BIN3: variants seen among roughly 807,000 people sequenced by gnomAD.
The protein encoded by BIN3 is bridging integrator 3.
A neutral mutation model predicts 38.2 loss-of-function variants in BIN3; 41 were observed. The observed-to-expected ratio is 1.07, with a 90% confidence interval of 0.84 to 1.39. The LOEUF (loss-of-function observed/expected upper bound fraction) is 1.39, where lower values mean the gene tolerates loss of function less well. BIN3 is among the 40% of genes most tolerant of loss of function. The pLI, the probability that BIN3 is intolerant of heterozygous loss-of-function variation, is 0.00. For synonymous variants in BIN3, 145 were observed against 122.6 expected (o/e 1.18, Z -1.21); for missense variants, 361 against 324.3 (o/e 1.11, Z -0.87).
At chr8:22,626,969 T>A (rs1361444863) in intron 6 of BIN3, among the ~76,000 whole-genome samples, 1 of 152,098 alleles carries the variant, frequency 6.6e-6, no homozygotes, top group Admixed American at 6.5e-5. Flanking sequence ...CCTCGGGGGA[T>A]GGCGTGGTGG....
At chr8:22,663,246 G>C (rs1020516553) in intron 1 of BIN3, among the ~76,000 whole-genome samples, 3 of 151,548 alleles carry the variant, frequency 2.0e-5, no homozygotes, top group Non-Finnish European at 4.4e-5. Flanking sequence ...TGATATCAAA[G>C]GTATTTCTAA....
At chr8:22,664,816 T>G (rs768486341) in intron 1 of BIN3, among the ~76,000 whole-genome samples, 1 of 152,308 alleles carries the variant, frequency 6.6e-6, no homozygotes, top group Middle Eastern at 3.4e-3. Flanking sequence ...GGGAAAGCCA[T>G]CTGAAAAGTT....
intron 8 of BIN3, among the ~76,000 whole-genome samples, 163 bp from the exon 9 acceptor site, chr8:22,621,731 G>T (rs968902615): frequency 6.6e-6 from 1 of 152,200 alleles, no homozygotes; most frequent in African/African-American, 2.4e-5. Flanking sequence ...CTCTAGCTGA[G>T]ACTGAACCAA....
intron 2 of BIN3, among the ~76,000 whole-genome samples, chr8:22,640,008 T>C (rs957255543): frequency 6.6e-6 from 1 of 151,526 alleles, no homozygotes; most frequent in African/African-American, 2.4e-5. Context: ...ATTACAGGCA[T>C]GTGCCACCGC....
At chr8:22,636,062 T>TG (rs1419080257) in intron 4 of BIN3, among the ~76,000 whole-genome samples, 4 of 152,314 alleles carry the variant, frequency 2.6e-5, no homozygotes, top group African/African-American at 9.6e-5. Flanking sequence ...TAGAATTATC[T>TG]GGGGTATTTC....
At chr8:22,654,039 C>G (rs1802983535) in intron 1 of BIN3, among the ~76,000 whole-genome samples, 1 of 152,306 alleles carries the variant, frequency 6.6e-6, no homozygotes, top group Middle Eastern at 3.4e-3. Context: ...TTGGCTTCAC[C>G]TAACTTCTAG....
rs770689494 is a variant in BIN3 at position 22,636,602 on chromosome 8, C to T, written c.99-16G>A. On this transcript the variant is annotated splice_polypyrimidine_tract_variant and intron_variant, in intron 3 of 8. Coordinates refer to ENST00000276416, the MANE Select transcript of BIN3 (RefSeq NM_018688.6). ...CTCTTCCAGCCTGCAAGGCAGGGGA[C>T]GGGCTGCTTGGGGTCCCCTTCCTTC... is the stretch of plus-strand genomic sequence containing the variant. The T allele has an allele frequency of 5.5e-5, 86 of 1,551,264 alleles. No individual in the cohort carries two copies. Among genetic ancestry groups the T allele is most frequent in the African/African-American group, 3.3e-4 (24 of 73,194 alleles).
chr8:22,636,542 CTCT>C lies in BIN3; in HGVS notation c.140_142del (p.Lys47del). 6.4e-7 allele frequency: 1 copy of C among 1,552,854 alleles called. No individual in the cohort carries two copies. Among genetic ancestry groups the C allele is most frequent in the South Asian group, 1.2e-5 (1 of 84,114 alleles). ...TCACCTACCCAGGTCTGCGTCGGTG[CTCT>C]TCTTCATGTCTTTCTGCAGCCTCCG... On this transcript the variant is annotated inframe_deletion, in exon 4 of 9. Transcript: ENST00000276416.
intron 4 of BIN3, among the ~76,000 whole-genome samples, chr8:22,633,776 TG>T (rs1459535619): frequency 6.6e-6 from 1 of 152,154 alleles, no homozygotes; most frequent in African/African-American, 2.4e-5. Flanking sequence ...AGGCTGGAGG[TG>T]GGGCCCAGCG....
intron 1 of BIN3, among the ~76,000 whole-genome samples, chr8:22,668,498 A>G (rs1414418516): frequency 6.6e-6 from 1 of 152,222 alleles, no homozygotes; most frequent in Non-Finnish European, 1.5e-5. Flanking sequence ...CCAATCCCAC[A>G]GTGGAAGGGT....
chr8:22,637,025 G>A (rs1802389248), intron 2 of BIN3, 63 bp from the exon 3 acceptor site: 3 of 1,488,388 alleles, frequency 2.0e-6, no homozygotes, highest in East Asian at 4.6e-5. Flanking sequence ...AAACCTCCCA[G>A]CCTCCTGAAA....
At chr8:22,622,030 C>T (rs540401911) in intron 8 of BIN3, among the ~76,000 whole-genome samples, 1 of 152,346 alleles carries the variant, frequency 6.6e-6, no homozygotes, top group Non-Finnish European at 1.5e-5. Flanking sequence ...TCTGTTCCCT[C>T]CCAACTTGCA....
At chr8:22,657,485 C>T (rs1008324188) in intron 1 of BIN3, among the ~76,000 whole-genome samples, 3 of 152,180 alleles carry the variant, frequency 2.0e-5, no homozygotes, top group South Asian at 2.1e-4. Context: ...CAAAGCCTGA[C>T]GAAGTTATTG....
chr8:22,657,113 G>A (rs967123065), intron 1 of BIN3, among the ~76,000 whole-genome samples: 2 of 152,208 alleles, frequency 1.3e-5, no homozygotes, highest in Non-Finnish European at 2.9e-5. Flanking sequence ...ATATCAGGAT[G>A]AACGAGGCAG....
At chr8:22,656,258 A>C (rs1803054885) in intron 1 of BIN3, among the ~76,000 whole-genome samples, 1 of 139,060 alleles carries the variant, frequency 7.2e-6, no homozygotes, top group African/African-American at 2.7e-5. Context: ...TCTCCTCTAC[A>C]TTTATTTCGT....
At chr8:22,648,084 G>A (rs1351721095) in intron 1 of BIN3, among the ~76,000 whole-genome samples, 3 of 127,432 alleles carry the variant, frequency 2.4e-5, no homozygotes, top group African/African-American at 5.6e-5. Context: ...GCAGTGAGCC[G>A]AGATTGCGCC....
chr8:22,654,878 G>A (rs936762033), intron 1 of BIN3, among the ~76,000 whole-genome samples: 2 of 152,140 alleles, frequency 1.3e-5, no homozygotes, highest in African/African-American at 4.8e-5. Flanking sequence ...GTCACTCTAT[G>A]TTTAACCTTT....
chr8:22,625,571 T>C (rs1422859889), intron 6 of BIN3: 4 of 610,466 alleles, frequency 6.6e-6, no homozygotes, highest in South Asian at 3.8e-5. Context: ...CTCCCAGATG[T>C]GCCTCTCAAA....
chr8:22,631,376 G>C (rs1802196698), intron 4 of BIN3, among the ~76,000 whole-genome samples: 1 of 152,084 alleles, frequency 6.6e-6, no homozygotes, highest in Non-Finnish European at 1.5e-5. Context: ...GGAAACCTGG[G>C]GACTTGTACG....
Sources: gnomAD v4.1 joint callset for allele counts (sites outside exome capture counted in the v4.1 genomes callset) on GRCh38, gnomAD v4.1.1 for gene constraint, MANE v1.5 for transcripts, NCBI Gene and HGNC (gene_info 2026-07-23, HGNC 2026-07-21) for gene names.